EIF4EBP1: variants seen among roughly 807,000 people sequenced by gnomAD.
EIF4EBP1 encodes eukaryotic translation initiation factor 4E-binding protein 1.
A neutral mutation model predicts 9.2 loss-of-function variants in EIF4EBP1; 5 were observed. The observed-to-expected ratio is 0.54, with a 90% CI of 0.28 to 1.14. The LOEUF (loss-of-function observed/expected upper bound fraction) is 1.14. Among genes scored for constraint, EIF4EBP1 ranks in the 50% most tolerant of loss-of-function variants. EIF4EBP1 has a pLI of 0.09. For missense variants in EIF4EBP1, 139 were observed against 169.6 expected, an observed-to-expected ratio of 0.82 and a Z score of 1.00; for synonymous variants, 62 against 67.0, an observed-to-expected ratio of 0.93 and a Z score of 0.36.
intron 1 of EIF4EBP1, among the ~76,000 whole-genome samples, chr8:38,042,560 TCTC>T (rs1177260453): frequency 6.6e-6 from 1 of 152,142 alleles, no homozygotes; most frequent in Non-Finnish European, 1.5e-5. Flanking sequence ...CTGAGGCCCT[TCTC>T]CTTGGCTTGC....
At chr8:38,058,317 C>T (rs551554096) in intron 2 of EIF4EBP1, among the ~76,000 whole-genome samples, 1 of 152,260 alleles carries the variant, frequency 6.6e-6, no homozygotes, top group East Asian at 1.9e-4. Context: ...CATAACATGG[C>T]GGAAGGCATC....
intron 2 of EIF4EBP1, among the ~76,000 whole-genome samples, chr8:38,058,838 C>T (rs1392765075): frequency 7.2e-5 from 11 of 152,220 alleles, no homozygotes; most frequent in Admixed American, 1.3e-4. Context: ...AATCCCAGCA[C>T]TCTGGGAGGC....
intron 1 of EIF4EBP1, among the ~76,000 whole-genome samples, chr8:38,052,100 C>G (rs1168564301): frequency 6.6e-6 from 1 of 152,208 alleles, no homozygotes; most frequent in African/African-American, 2.4e-5. Flanking sequence ...CTGCTGAACA[C>G]ACACACAGGT....
At position 38,030,541 on chromosome 8, in the gene EIF4EBP1, C is replaced by T; in HGVS notation, c.-33C>T. The T allele has an allele frequency of 1.3e-6, 2 of 1,486,314 alleles. No individual in the cohort carries two copies. The highest frequency in any genetic ancestry group is 1.8e-6 in the Non-Finnish European group (2 of 1,124,218). The allele number at this position is 1,486,314 out of a possible 1,614,324, so 92.1% of individuals were successfully genotyped here. ...CGAGGCTGGAGGCGCGGGAGGGCAGCGAGAGGTTCGCGGGTGCAGCGCACA... is the reference window on the plus strand; with the variant it reads ...CGAGGCTGGAGGCGCGGGAGGGCAGTGAGAGGTTCGCGGGTGCAGCGCACA... On this transcript the variant is annotated 5_prime_UTR_variant, in exon 1 of 3. Coordinates refer to ENST00000338825, the MANE Select transcript of EIF4EBP1 (RefSeq NM_004095.4).
chr8:38,057,828 C>T (rs1809619140), intron 2 of EIF4EBP1, among the ~76,000 whole-genome samples: 1 of 152,136 alleles, frequency 6.6e-6, no homozygotes, highest in Non-Finnish European at 1.5e-5. Flanking sequence ...CTGCTGTCCC[C>T]ACCTCCCGAG....
chr8:38,059,607 C>CT (rs1809642417), intron 2 of EIF4EBP1, among the ~76,000 whole-genome samples: 1 of 151,862 alleles, frequency 6.6e-6, no homozygotes, highest in South Asian at 2.1e-4. Context: ...CAAAAATTAG[C>CT]TGGGTGTGGT....
At chr8:38,033,368 T>TA (rs1809252772) in intron 1 of EIF4EBP1, among the ~76,000 whole-genome samples, 1 of 151,708 alleles carries the variant, frequency 6.6e-6, no homozygotes, top group Non-Finnish European at 1.5e-5. Context: ...ATGCCCGGCC[T>TA]AGATTCAGCA....
chr8:38,043,326 T>G (rs1052454959), intron 1 of EIF4EBP1, among the ~76,000 whole-genome samples: 2 of 151,994 alleles, frequency 1.3e-5, no homozygotes, highest in Admixed American at 6.6e-5. Context: ...GTTCTGAAAG[T>G]CTCTGTCAAA....
chr8:38,043,367 CT>C (rs60303823), intron 1 of EIF4EBP1, among the ~76,000 whole-genome samples: 1,775 of 139,506 alleles, frequency 0.013, 26 homozygotes, highest in African/African-American at 0.039. Context: ...TTTTCTTTTT[CT>C]TTTTTTTTTT....
intron 1 of EIF4EBP1, among the ~76,000 whole-genome samples, chr8:38,043,640 C>T (rs1482244651): frequency 3.3e-5 from 5 of 152,102 alleles, no homozygotes; most frequent in Admixed American, 3.3e-4. Context: ...GCTATCACAC[C>T]TGGCCTGAAG....
intron 1 of EIF4EBP1, among the ~76,000 whole-genome samples, chr8:38,031,468 C>T (rs1585519273): frequency 6.6e-6 from 1 of 152,168 alleles, no homozygotes; most frequent in Non-Finnish European, 1.5e-5. Context: ...TCCCTCCCAG[C>T]CCCGGAGCCC....
At chr8:38,048,723 C>T (rs1191642085) in intron 1 of EIF4EBP1, among the ~76,000 whole-genome samples, 1 of 152,124 alleles carries the variant, frequency 6.6e-6, no homozygotes, top group Non-Finnish European at 1.5e-5. Flanking sequence ...ACCTGTAATC[C>T]CAGCACTTTG....
At chr8:38,033,320 G>A (rs1266473336) in intron 1 of EIF4EBP1, among the ~76,000 whole-genome samples, 1 of 151,588 alleles carries the variant, frequency 6.6e-6, no homozygotes, top group Non-Finnish European at 1.5e-5. Context: ...TGCCTGCCTC[G>A]GCCTTCCAGA....
At chr8:38,035,138 T>C (rs1413096480) in intron 1 of EIF4EBP1, among the ~76,000 whole-genome samples, 1 of 152,180 alleles carries the variant, frequency 6.6e-6, no homozygotes, top group Non-Finnish European at 1.5e-5. Flanking sequence ...CATTCCACAC[T>C]GTGTCCCTTA....
Position 38,057,237 on chromosome 8 carries a change from G to A in EIF4EBP1, c.302G>A (p.Ser101Asn). The A allele has an allele frequency of 6.2e-7, 1 of 1,612,882 alleles. No individual in the cohort carries two copies. The highest frequency in any genetic ancestry group is 1.7e-5 in the Admixed American group (1 of 59,924). The change falls in exon 2 of 3, where the codon AGC (serine) becomes AAC (asparagine). Residue 101 changes from serine to asparagine, a missense_variant. Ser to Asn is a conservative substitution (Grantham distance 46). Coordinates refer to ENST00000338825, the MANE Select transcript of EIF4EBP1 (RefSeq NM_004095.4). Reference sequence around the variant, plus strand: ...GCCAGCCAGAGCCACCTGCGCAATAGCCCAGAAGATAAGCGGGCGGGCGGT... The same window carrying A: ...GCCAGCCAGAGCCACCTGCGCAATAACCCAGAAGATAAGCGGGCGGGCGGT... ...MEASQSHLRNSPEDKRAGGEE... is the reference protein window; with the variant it reads ...MEASQSHLRNNPEDKRAGGEE...
intron 1 of EIF4EBP1, among the ~76,000 whole-genome samples, chr8:38,033,062 C>CTTTTTTTTTTTTTT (rs765781155): frequency 4.0e-5 from 5 of 125,448 alleles, no homozygotes; most frequent in Admixed American, 8.3e-5. Context: ...TTCTTTCTTT[C>CTTTTTTTTTTTTTT]TTTTTTTTTT....
At chr8:38,044,649 A>G (rs1285818430) in intron 1 of EIF4EBP1, among the ~76,000 whole-genome samples, 5 of 152,222 alleles carry the variant, frequency 3.3e-5, no homozygotes, top group African/African-American at 1.2e-4. Flanking sequence ...TGTGTTGCCC[A>G]GGCTGGTCTC....
chr8:38,030,683 C>T lies in EIF4EBP1; in HGVS notation c.110C>T (p.Thr37Ile), dbSNP rs902794559. ...CTCCCGCCCGGGGACTACAGCACGA[C>T]CCCCGGCGGCACGCTCTTCAGCACC... ...VQLPPGDYST[T>I]PGGTLFSTTP... Residue 37 changes from threonine to isoleucine, a missense_variant, in exon 1 of 3, where the codon ACC becomes ATC. Transcript: ENST00000338825. 2.0e-6 allele frequency: 3 copies of T among 1,480,340 alleles called. No individual in the cohort carries two copies. The highest frequency in any genetic ancestry group is 2.7e-6 in the Non-Finnish European group (3 of 1,121,112). The allele number at this position is 1,480,340 out of a possible 1,614,324, so 91.7% of individuals were successfully genotyped here.
chr8:38,049,247 C>T (rs751636867), intron 1 of EIF4EBP1, among the ~76,000 whole-genome samples: 3 of 151,998 alleles, frequency 2.0e-5, no homozygotes, highest in Non-Finnish European at 4.4e-5. Flanking sequence ...ATTGTGAAGG[C>T]GTCAAGGCAC....
Sources: allele counts gnomAD v4.1 joint callset (sites outside exome capture counted in the v4.1 genomes callset), GRCh38; gene constraint gnomAD v4.1.1; transcripts MANE v1.5; gene names NCBI Gene and HGNC (gene_info 2026-07-23, HGNC 2026-07-21).